Variants in KDM7A observed in about 807,000 individuals in gnomAD.
KDM7A encodes the protein lysine-specific demethylase 7A.
KDM7A carries 28 observed loss-of-function variants against 114.8 expected under a neutral mutation model. That is an observed-to-expected ratio of 0.24 (90% CI 0.18 to 0.33). KDM7A has a LOEUF of 0.33. Among genes scored for constraint, KDM7A ranks in the 10% least tolerant of loss-of-function variants. KDM7A has a pLI of 1.00. For missense variants in KDM7A, 942 were observed against 1,142.5 expected, an observed-to-expected ratio of 0.82 and a Z score of 2.53; for synonymous variants, 423 against 397.8, an observed-to-expected ratio of 1.06 and a Z score of -0.75.
At chr7:140,093,453 G>A (rs1366561636) in intron 18 of KDM7A, among the ~76,000 whole-genome samples, 1 of 152,142 alleles carries the variant, frequency 6.6e-6, no homozygotes, top group African/African-American at 2.4e-5. Context: ...GTGTGCTTGG[G>A]GTAGAGAGGT....
At chr7:140,168,565 C>T (rs1472571202) in intron 1 of KDM7A, among the ~76,000 whole-genome samples, 1 of 145,504 alleles carries the variant, frequency 6.9e-6, no homozygotes, top group Non-Finnish European at 1.5e-5. Flanking sequence ...AAGACTCTAT[C>T]TCAAAAAAAA....
intron 12 of KDM7A, among the ~76,000 whole-genome samples, chr7:140,100,707 T>TATATAC (rs1554395418): frequency 8.0e-5 from 3 of 37,642 alleles, no homozygotes; most frequent in Non-Finnish European, 1.2e-4. Flanking sequence ...TATATATATA[T>TATATAC]ACACATATAT....
intron 19 of KDM7A, 107 bp from the exon 20 acceptor site, chr7:140,091,295 G>A (rs1025169735): frequency 5.2e-6 from 4 of 772,212 alleles, no homozygotes; most frequent in Non-Finnish European, 9.2e-6. Flanking sequence ...GCCCTTAGGT[G>A]TTCTGCATGG....
rs1205605254 is a variant in KDM7A at position 140,089,906 on chromosome 7, T to G, written c.*1188A>C. The G allele has an allele frequency of 6.6e-6, 1 of 152,252 alleles. No individual in the cohort carries two copies. Among genetic ancestry groups the G allele is most frequent in the Non-Finnish European group, 1.5e-5 (1 of 68,044 alleles). The allele number at this position is 152,252 out of a possible 1,614,324, so 9.4% of individuals were successfully genotyped here. A position where few individuals can be genotyped will look rare whatever the true frequency, so the allele number is the denominator to read the frequency against. On this transcript the variant is annotated 3_prime_UTR_variant, in exon 20 of 20. Coordinates refer to ENST00000397560, the MANE Select transcript of KDM7A (RefSeq NM_030647.2). The stretch of plus-strand genomic sequence containing the variant: ...CACAAAAGATCTATTCCAACATGCT[T>G]GCTTCTATACAACTTAATGTAGTAT...
At chr7:140,155,157 A>G (rs1250175115) in intron 1 of KDM7A, among the ~76,000 whole-genome samples, 1 of 152,230 alleles carries the variant, frequency 6.6e-6, no homozygotes, top group East Asian at 1.9e-4. Flanking sequence ...GTTTGTCTCC[A>G]ATTACCCTTA....
chr7:140,119,190 G>A lies in KDM7A; in HGVS notation c.1169C>T (p.Thr390Ile), dbSNP rs773941924. 4 of 1,606,670 alleles carry A rather than the reference G, an allele frequency of 2.5e-6. No homozygotes were observed. The highest frequency in any genetic ancestry group is 1.7e-6 in the Non-Finnish European group (2 of 1,175,056). Residue 390 changes from threonine to isoleucine, a missense_variant, in exon 9 of 20, where the codon ACA becomes ATA. This residue lies in a region of KDM7A where 318 missense variants were observed against 453.1 expected (regional missense o/e 0.70). Coordinates refer to ENST00000397560, the MANE Select transcript of KDM7A (RefSeq NM_030647.2). Reference sequence around the variant, plus strand: ...GAAAGGGAATTTGAAAAGATCTGGTGTTTTTAGCCTTTTCTCCATCTCATA... The same window carrying A: ...GAAAGGGAATTTGAAAAGATCTGGTATTTTTAGCCTTTTCTCCATCTCATA... ...RCYEMEKRLKTPDLFKFPFFE... is the reference protein window; with the variant it reads ...RCYEMEKRLKIPDLFKFPFFE...
intron 3 of KDM7A, among the ~76,000 whole-genome samples, chr7:140,133,246 T>C (rs577000565): frequency 6.6e-6 from 1 of 152,314 alleles, no homozygotes; most frequent in African/African-American, 2.4e-5. Context: ...TCCCTCAGAT[T>C]AGTGTATTTC....
intron 11 of KDM7A, among the ~76,000 whole-genome samples, chr7:140,108,996 G>A (rs1046317181): frequency 6.6e-6 from 1 of 152,170 alleles, no homozygotes. Flanking sequence ...TAACCTCGCT[G>A]CCACCTTGCA....
intron 1 of KDM7A, among the ~76,000 whole-genome samples, chr7:140,141,784 C>T (rs2116824153): frequency 6.6e-6 from 1 of 151,446 alleles, no homozygotes; most frequent in East Asian, 1.9e-4. Flanking sequence ...ATCCCAGCTA[C>T]TTGGGAGGCT....
chr7:140,139,162 C>G lies in KDM7A; in HGVS notation c.223G>C (p.Val75Leu). The change falls in exon 2 of 20, where the codon GTT (valine) becomes CTT (leucine). Residue 75 changes from valine (V) to leucine (L), a missense_variant. Transcript: ENST00000397560. ...GGACAGTGATACAGGTCAATGTCAA[C>G]AGCATGATGTTCTTCTACTCCAACA... The part of the protein sequence containing the change: ...SCVGVEEHHA[V>L]DIDLYHCPNC... 18 of 1,613,298 alleles carry G rather than the reference C, an allele frequency of 1.1e-5. No individual in the cohort carries two copies. The highest frequency in any genetic ancestry group is 1.5e-5 in the Non-Finnish European group (18 of 1,179,546).
intron 13 of KDM7A, 125 bp downstream of exon 13, chr7:140,099,774 G>T: frequency 2.6e-6 from 2 of 782,992 alleles, no homozygotes; most frequent in Admixed American, 2.2e-5. Context: ...TTCCCTGGCT[G>T]AGAAAAAACT....
At chr7:140,132,972 A>T (rs967357805) in intron 3 of KDM7A, among the ~76,000 whole-genome samples, 3 of 152,220 alleles carry the variant, frequency 2.0e-5, no homozygotes, top group African/African-American at 7.2e-5. Context: ...GTGAGTAGGA[A>T]ATGATCTAAA....
chr7:140,169,601 C>A (rs1163164394), intron 1 of KDM7A, among the ~76,000 whole-genome samples: 1 of 152,196 alleles, frequency 6.6e-6, no homozygotes, highest in African/African-American at 2.4e-5. Context: ...TCTCGGCTCA[C>A]TGCAACCTCC....
chr7:140,126,968 G>A (rs1035119737), intron 5 of KDM7A, 145 bp from the exon 6 acceptor site: 6 of 670,734 alleles, frequency 8.9e-6, no homozygotes, highest in Non-Finnish European at 1.5e-5. Flanking sequence ...ACACATGTTT[G>A]TTTGTTTTTG....
intron 3 of KDM7A, among the ~76,000 whole-genome samples, chr7:140,130,287 G>A (rs1400348410): frequency 6.6e-6 from 1 of 152,156 alleles, no homozygotes; most frequent in Non-Finnish European, 1.5e-5. Context: ...AGGATGCGTA[G>A]AAATTTGGGA....
intron 11 of KDM7A, among the ~76,000 whole-genome samples, chr7:140,107,551 G>T (rs1026318225): frequency 6.6e-6 from 1 of 152,196 alleles, no homozygotes; most frequent in African/African-American, 2.4e-5. Context: ...GGCTGGATAT[G>T]AAATTCTGGG....
rs1392915165 is a variant in KDM7A at position 140,100,689 on chromosome 7, C to CATATATAT, written c.1639-674_1639-667dup. 9.3e-5 allele frequency among the ~76,000 whole-genome samples: 5 copies of CATATATAT among 54,002 alleles called. 1 individual carries two copies. Among genetic ancestry groups the CATATATAT allele is most frequent in the East Asian group, 1.1e-3 (2 of 1,754 alleles). The allele number at this position is 54,002 out of a possible 152,430, so 35.4% of individuals were successfully genotyped here. A position where few individuals can be genotyped will look rare whatever the true frequency, so the allele number is the denominator to read the frequency against. ...ATATATATATATATATACATATATACATATATATATATATATATACACATA... is the reference window on the plus strand; with the variant it reads ...ATATATATATATATATACATATATACATATATATATATATATATATATATATACACATA... On this transcript the variant is annotated intron_variant, in intron 12 of 19. Coordinates refer to ENST00000397560, the MANE Select transcript of KDM7A (RefSeq NM_030647.2).
intron 1 of KDM7A, among the ~76,000 whole-genome samples, chr7:140,173,132 G>A (rs947288458): frequency 7.9e-5 from 12 of 151,964 alleles, no homozygotes; most frequent in Admixed American, 5.9e-4. Context: ...AAGGGAGCGG[G>A]GCCTTATCAG....
chr7:140,138,541 T>C (rs1041387740), intron 2 of KDM7A, among the ~76,000 whole-genome samples: 13 of 152,104 alleles, frequency 8.5e-5, no homozygotes, highest in African/African-American at 2.7e-4. Context: ...AGAAACCTGG[T>C]CTGGTGTGTC....
Sources: allele counts gnomAD v4.1 joint callset (sites outside exome capture counted in the v4.1 genomes callset), GRCh38; gene constraint gnomAD v4.1.1; regional missense constraint gnomAD v4.1.1; transcripts MANE v1.5; gene names NCBI Gene and HGNC (gene_info 2026-07-23, HGNC 2026-07-21).